Variants in NPAS3 observed in about 807,000 individuals in gnomAD.
The protein encoded by NPAS3 is neuronal PAS domain protein 3, also known as neuronal PAS domain-containing protein 3.
A neutral mutation model predicts 73.1 loss-of-function variants in NPAS3; 14 were observed. The ratio of observed to expected loss-of-function variants is 0.19; its 90% CI spans 0.13 to 0.30. The LOEUF is 0.30. Ranked by LOEUF, NPAS3 falls within the 10% of genes least tolerant of loss-of-function variation. NPAS3 has a pLI of 1.00. For synonymous variants in NPAS3, 620 were observed against 541.5 expected (o/e 1.14, Z -2.01); for missense variants, 1,096 against 1,250.0 (o/e 0.88, Z 1.86).
chr14:33,244,071 GTGT>G (rs1365028464), intron 3 of NPAS3, among the ~76,000 whole-genome samples: 1 of 151,460 alleles, frequency 6.6e-6, no homozygotes, highest in African/African-American at 2.4e-5. Context: ...TACATGTTGG[GTGT>G]CTTTTGCACT....
At chr14:33,074,102 C>A (rs2041577372) in intron 2 of NPAS3, among the ~76,000 whole-genome samples, 1 of 152,084 alleles carries the variant, frequency 6.6e-6, no homozygotes, top group African/African-American at 2.4e-5. Context: ...TCAGGAAATA[C>A]TTTTTAAAAT....
chr14:33,483,379 G>A (rs542002953), intron 4 of NPAS3, among the ~76,000 whole-genome samples: 39 of 152,204 alleles, frequency 2.6e-4, no homozygotes, highest in South Asian at 4.2e-4. Context: ...AGAAAACCAA[G>A]GATAGCGTTT....
At chr14:33,678,667 T>G (rs1283201397) in intron 6 of NPAS3, among the ~76,000 whole-genome samples, 1 of 151,938 alleles carries the variant, frequency 6.6e-6, no homozygotes, top group Non-Finnish European at 1.5e-5. Context: ...GAGGTTAAAT[T>G]TGGTCTTCTT....
Position 33,111,653 on chromosome 14 carries a change from CT to C in NPAS3, c.140+55668del, listed in dbSNP as rs1204623544. On this transcript the variant is annotated intron_variant, in intron 2 of 11. Transcript: ENST00000356141. ...AGACCTGCACAGTTCCTTAAATTTT[CT>C]TTTTTTTTCTTTTTTTTTTTATTAT... Among the ~76,000 whole-genome samples the C allele has an allele frequency of 5.5e-5, 8 of 144,406 alleles. No individual in the cohort carries two copies. In the South Asian group the frequency reaches 6.6e-4, roughly 12 times the overall value. 94.7% of individuals were successfully genotyped at this position (144,406 alleles called of 152,430 possible).
intron 1 of NPAS3, among the ~76,000 whole-genome samples, chr14:33,014,560 G>T (rs1438584388): frequency 2.6e-5 from 4 of 152,100 alleles, no homozygotes; most frequent in African/African-American, 7.2e-5. Context: ...TATCTTAAAT[G>T]ACTAAATGAC....
intron 6 of NPAS3, among the ~76,000 whole-genome samples, chr14:33,685,018 T>C (rs573606235): frequency 6.6e-6 from 1 of 152,356 alleles, no homozygotes; most frequent in Non-Finnish European, 1.5e-5. Flanking sequence ...ACTTGTATCT[T>C]TTCTCTAGTT....
chr14:33,100,811 G>A (rs181050697), intron 2 of NPAS3, among the ~76,000 whole-genome samples: 2 of 152,154 alleles, frequency 1.3e-5, no homozygotes, highest in East Asian at 3.9e-4. Flanking sequence ...TGAAATTCTG[G>A]CTTCTGGTTA....
intron 2 of NPAS3, among the ~76,000 whole-genome samples, chr14:33,117,616 C>T (rs2043110115): frequency 6.6e-6 from 1 of 152,106 alleles, no homozygotes; most frequent in African/African-American, 2.4e-5. Flanking sequence ...TTGCTTGTTC[C>T]TTAGATGCTA....
At chr14:33,595,608 A>C (rs117477674) in intron 5 of NPAS3, among the ~76,000 whole-genome samples, 9,312 of 152,326 alleles carry the variant, frequency 0.061, 320 homozygotes, top group South Asian at 0.13. Context: ...GGGAAAAAGA[A>C]AGATGGAAAA....
intron 6 of NPAS3, among the ~76,000 whole-genome samples, chr14:33,701,761 G>A (rs531895292): frequency 1.3e-4 from 20 of 152,244 alleles, no homozygotes; most frequent in African/African-American, 4.8e-4. Context: ...AACTTTTTGA[G>A]TATTTCCAGT....
At chr14:33,051,537 T>A (rs1295584512) in intron 1 of NPAS3, among the ~76,000 whole-genome samples, 2 of 151,688 alleles carry the variant, frequency 1.3e-5, no homozygotes, top group African/African-American at 2.4e-5. Context: ...GGGCAAAAAA[T>A]TTTGTTTTGT....
intron 3 of NPAS3, among the ~76,000 whole-genome samples, chr14:33,327,432 A>G (rs2043759859): frequency 6.6e-6 from 1 of 152,222 alleles, no homozygotes; most frequent in South Asian, 2.1e-4. Context: ...TTACTTAAAT[A>G]CAAATTCTGA....
chr14:33,327,272 T>C (rs1420206284), intron 3 of NPAS3, among the ~76,000 whole-genome samples: 1 of 152,234 alleles, frequency 6.6e-6, no homozygotes, highest in East Asian at 1.9e-4. Flanking sequence ...GAGTGCATGC[T>C]ATGTACGACA....
intron 3 of NPAS3, among the ~76,000 whole-genome samples, chr14:33,271,379 A>T (rs2041070167): frequency 6.6e-6 from 1 of 152,136 alleles, no homozygotes; most frequent in Non-Finnish European, 1.5e-5. Flanking sequence ...GGCTGGCTTC[A>T]GGGAAAGGGG....
At position 33,121,684 on chromosome 14, in the gene NPAS3, A is replaced by G. The variant is rs150955914; in HGVS notation, c.140+65690A>G. Among the ~76,000 whole-genome samples, 95 of 152,266 alleles carry G rather than the reference A, an allele frequency of 6.2e-4. No individual in the cohort carries two copies. The East Asian group carries it at 0.014, about 23-fold the overall frequency. On this transcript the variant is annotated intron_variant, in intron 2 of 11. Coordinates refer to ENST00000356141, the Ensembl canonical transcript of NPAS3. ...AAAAATATTGTTCTCTTCTGAGAGA[A>G]TCATGTCAGATATCCTGGAAATAGA...
chr14:33,051,548 G>A (rs1287064725), intron 1 of NPAS3, among the ~76,000 whole-genome samples: 1 of 152,128 alleles, frequency 6.6e-6, no homozygotes, highest in Admixed American at 6.5e-5. Flanking sequence ...TTTGTTTTGT[G>A]TGATTGATGC....
At chr14:33,052,117 A>C (rs17100017) in intron 1 of NPAS3, among the ~76,000 whole-genome samples, 3,879 of 152,272 alleles carry the variant, frequency 0.025, 138 homozygotes, top group African/African-American at 0.08. Flanking sequence ...GTAGGTTTTG[A>C]ATTTCTCATC....
intron 11 of NPAS3, 126 bp from the exon 12 acceptor site, chr14:33,799,608 G>A (rs2063619645): frequency 1.1e-6 from 1 of 924,134 alleles, no homozygotes. Flanking sequence ...CCGTGATGAG[G>A]ACGGACACTT....
At chr14:33,802,392 G>GAAAAAAAAAAAA (rs1161378596), downstream of NPAS3, 1 of 92,186 alleles carries the variant, frequency 1.1e-5, no homozygotes, top group African/African-American at 3.7e-5. Flanking sequence ...AAAAAAAAAA[G>GAAAAAAAAAAAA]AAAAAAAAAA....
Sources: allele counts gnomAD v4.1 joint callset (sites outside exome capture counted in the v4.1 genomes callset), GRCh38; gene constraint gnomAD v4.1.1; transcripts MANE v1.5; gene names NCBI Gene and HGNC (gene_info 2026-07-23, HGNC 2026-07-21).